Variants in FBXL7 observed in about 807,000 individuals in gnomAD.
FBXL7 encodes F-box and leucine rich repeat protein 7, also known as F-box/LRR-repeat protein 7.
Under a neutral mutation model 38.3 loss-of-function variants are expected in FBXL7, and 12 were observed. The ratio of observed to expected loss-of-function variants is 0.31; its 90% CI spans 0.20 to 0.51. FBXL7 has a LOEUF of 0.51. Ranked by LOEUF, FBXL7 falls within the 20% of genes least tolerant of loss-of-function variation. The pLI is 0.98. For missense variants in FBXL7, 567 were observed against 676.4 expected, an observed-to-expected ratio of 0.84 and a Z score of 1.79; for synonymous variants, 297 against 300.9, an observed-to-expected ratio of 0.99 and a Z score of 0.13.
At chr5:15,669,714 C>T (rs1445757285) in intron 2 of FBXL7, among the ~76,000 whole-genome samples, 1 of 152,120 alleles carries the variant, frequency 6.6e-6, no homozygotes, top group South Asian at 2.1e-4. Context: ...AATCCTGTCA[C>T]GGTAAGTTTC....
At chr5:15,784,376 G>C (rs1257840332) in intron 2 of FBXL7, among the ~76,000 whole-genome samples, 1 of 152,160 alleles carries the variant, frequency 6.6e-6, no homozygotes, top group East Asian at 1.9e-4. Context: ...ATTACATGGA[G>C]ATGTTTACTG....
intron 2 of FBXL7, among the ~76,000 whole-genome samples, chr5:15,767,292 G>T (rs1472160026): frequency 1.3e-5 from 2 of 152,028 alleles, no homozygotes; most frequent in South Asian, 4.1e-4. Context: ...TCATTCAAAA[G>T]ACTGCCTTAA....
chr5:15,620,664 A>G (rs1299720243), intron 2 of FBXL7, among the ~76,000 whole-genome samples: 1 of 152,102 alleles, frequency 6.6e-6, no homozygotes, highest in Non-Finnish European at 1.5e-5. Flanking sequence ...GCTGGCCCCA[A>G]AACTCTCCTC....
intron 1 of FBXL7, among the ~76,000 whole-genome samples, chr5:15,566,669 G>T (rs78241327): frequency 1.2e-4 from 18 of 152,000 alleles, no homozygotes; most frequent in African/African-American, 2.9e-4. Flanking sequence ...ATATTTTATC[G>T]CAAATGAATA....
At chr5:15,547,530 G>A (rs1210444913) in intron 1 of FBXL7, among the ~76,000 whole-genome samples, 1 of 152,226 alleles carries the variant, frequency 6.6e-6, no homozygotes, top group Non-Finnish European at 1.5e-5. Flanking sequence ...GTTAGAGAGA[G>A]GCAGCCAGGA....
chr5:15,790,175 G>T (rs1456003027), intron 2 of FBXL7, among the ~76,000 whole-genome samples: 1 of 152,070 alleles, frequency 6.6e-6, no homozygotes, highest in Non-Finnish European at 1.5e-5. Flanking sequence ...ATCTATCCTT[G>T]CAGTAAGCTG....
At chr5:15,761,589 G>C (rs969317729) in intron 2 of FBXL7, among the ~76,000 whole-genome samples, 1 of 152,034 alleles carries the variant, frequency 6.6e-6, no homozygotes, top group Non-Finnish European at 1.5e-5. Flanking sequence ...GGTTGTCCAG[G>C]TTAGAGTGCT....
chr5:15,553,178 C>A (rs539733202), intron 1 of FBXL7, among the ~76,000 whole-genome samples: 77 of 152,292 alleles, frequency 5.1e-4, no homozygotes, highest in African/African-American at 1.8e-3. Flanking sequence ...TGGACCCCAG[C>A]CCTCTTGTCC....
rs145410112 is a variant in FBXL7, at chr5:15,778,361, A to G, written c.128-149529A>G. Among the ~76,000 whole-genome samples, 5 of 152,186 alleles carry G rather than the reference A, an allele frequency of 3.3e-5. No individual in the cohort carries two copies. In the East Asian group the frequency reaches 5.8e-4, roughly 18 times the overall value. On this transcript the variant is annotated intron_variant, in intron 2 of 3. Transcript: ENST00000504595. ...TCTATCTCAAATTTCCTGCTCCTCA[A>G]CATCTCTGGCTTGGGGCCTTCGTTC...
At chr5:15,545,438 C>T (rs1383928077) in intron 1 of FBXL7, among the ~76,000 whole-genome samples, 1 of 152,208 alleles carries the variant, frequency 6.6e-6, no homozygotes, top group African/African-American at 2.4e-5. Context: ...ACAAGACAGA[C>T]AATCCCTTCT....
rs116694073 is a variant in FBXL7, at chr5:15,906,005, A to T, written c.128-21885A>T. Among the ~76,000 whole-genome samples, 1,433 of 152,200 alleles carry T rather than the reference A, an allele frequency of 9.4e-3. 18 individuals are homozygous for T. The highest frequency in any genetic ancestry group is 0.031 in the African/African-American group (1,298 of 41,522). Reference sequence around the variant, plus strand: ...AGTATATAAAATATCAACGTAAATGATGAGCCAGAATCCACCATTCTGTTT... The same window carrying T: ...AGTATATAAAATATCAACGTAAATGTTGAGCCAGAATCCACCATTCTGTTT... On this transcript the variant is annotated intron_variant, in intron 2 of 3. Coordinates refer to ENST00000504595, the MANE Select transcript of FBXL7 (RefSeq NM_012304.5).
chr5:15,804,180 A>G (rs1370798258), intron 2 of FBXL7, among the ~76,000 whole-genome samples: 1 of 152,126 alleles, frequency 6.6e-6, no homozygotes, highest in Non-Finnish European at 1.5e-5. Flanking sequence ...CTCCACATTT[A>G]AAATAAGCCA....
intron 1 of FBXL7, among the ~76,000 whole-genome samples, chr5:15,591,904 G>C (rs1402378618): frequency 6.6e-6 from 1 of 152,038 alleles, no homozygotes; most frequent in Non-Finnish European, 1.5e-5. Context: ...TAGAGATGGG[G>C]TTTCACCATG....
At chr5:15,725,467 T>C (rs1466901482) in intron 2 of FBXL7, among the ~76,000 whole-genome samples, 1 of 152,232 alleles carries the variant, frequency 6.6e-6, no homozygotes, top group Non-Finnish European at 1.5e-5. Flanking sequence ...TTTTCTGTTA[T>C]TGATTTCTAA....
At chr5:15,591,145 T>A (rs2126480412) in intron 1 of FBXL7, among the ~76,000 whole-genome samples, 1 of 151,730 alleles carries the variant, frequency 6.6e-6, no homozygotes, top group East Asian at 1.9e-4. Context: ...AGTGGAGAAT[T>A]TAGGCCAGGC....
At chr5:15,716,725 A>G (rs998564870) in intron 2 of FBXL7, among the ~76,000 whole-genome samples, 14 of 152,250 alleles carry the variant, frequency 9.2e-5, no homozygotes, top group African/African-American at 3.4e-4. Flanking sequence ...GCTGCAATTC[A>G]TAATATTTAA....
chr5:15,704,368 G>A (rs1274884269), intron 2 of FBXL7, among the ~76,000 whole-genome samples: 1 of 152,142 alleles, frequency 6.6e-6, no homozygotes, highest in Non-Finnish European at 1.5e-5. Context: ...CTTTTTTATG[G>A]GGGGTGTTAG....
At chr5:15,889,663 T>G (rs1740821917) in intron 2 of FBXL7, among the ~76,000 whole-genome samples, 1 of 152,160 alleles carries the variant, frequency 6.6e-6, no homozygotes, top group Admixed American at 6.6e-5. Flanking sequence ...AATCATGGTC[T>G]CTAGGGATAG....
intron 2 of FBXL7, among the ~76,000 whole-genome samples, chr5:15,918,147 G>C (rs1186007415): frequency 6.6e-6 from 1 of 152,102 alleles, no homozygotes; most frequent in Non-Finnish European, 1.5e-5. Flanking sequence ...GCTGAGGCAG[G>C]AGAATCACTA....
Sources: allele counts gnomAD v4.1 joint callset (sites outside exome capture counted in the v4.1 genomes callset), GRCh38; gene constraint gnomAD v4.1.1; transcripts MANE v1.5; gene names NCBI Gene and HGNC (gene_info 2026-07-23, HGNC 2026-07-21).